Variants in COLEC12 observed in about 807,000 individuals in gnomAD.
COLEC12 encodes the protein collectin subfamily member 12.
COLEC12 carries 33 observed loss-of-function variants against 71.1 expected under a neutral mutation model. The ratio of observed to expected loss-of-function variants is 0.46; its 90% CI spans 0.35 to 0.62. The LOEUF (loss-of-function observed/expected upper bound fraction) is 0.62, where lower values mean the gene tolerates loss of function less well. COLEC12 is among the 20% of genes least tolerant of loss of function. COLEC12 has a pLI of 0.00. For missense variants in COLEC12, 765 were observed against 916.1 expected (o/e 0.84, Z 2.13); for synonymous variants, 350 against 353.0 (o/e 0.99, Z 0.10).
At chr18:372,655 C>T (rs983141837) in intron 2 of COLEC12, among the ~76,000 whole-genome samples, 26 of 152,110 alleles carry the variant, frequency 1.7e-4, no homozygotes, top group African/African-American at 5.3e-4. Context: ...TGAGCTCAAG[C>T]GATCCACCTG....
intron 8 of COLEC12, among the ~76,000 whole-genome samples, chr18:322,369 G>C (rs1428043626): frequency 1.3e-5 from 2 of 152,208 alleles, no homozygotes; most frequent in African/African-American, 2.4e-5. Context: ...TTGTCTGGGT[G>C]AGTTGTAGAA....
intron 5 of COLEC12, among the ~76,000 whole-genome samples, chr18:338,573 T>A (rs1357220030): frequency 1.3e-5 from 2 of 152,202 alleles, no homozygotes; most frequent in Non-Finnish European, 2.9e-5. Context: ...GACTTTTTTT[T>A]CTGCCTAACC....
At position 408,407 on chromosome 18, in the gene COLEC12, A is replaced by AAAT. The variant is rs1303862780; in HGVS notation, c.59-50888_59-50886dup. ...ATGTAATCCCATCTGTGTTTTCAAT[A>AAAT]AATAATACATCACATACTGCATCTC... is the stretch of plus-strand genomic sequence containing the variant. On this transcript the variant is annotated intron_variant, in intron 2 of 9. Transcript: ENST00000400256. This position sits in a 1 kb window ranked among gnomAD's most constrained non-coding sequence, Gnocchi z 4.3. Among the ~76,000 whole-genome samples the AAAT allele has an allele frequency of 2.0e-5, 3 of 152,212 alleles. No homozygotes were observed. The highest frequency in any genetic ancestry group is 4.4e-5 in the Non-Finnish European group (3 of 68,052).
At chr18:461,746 C>G (rs1451311395) in intron 2 of COLEC12, among the ~76,000 whole-genome samples, 1 of 152,000 alleles carries the variant, frequency 6.6e-6, no homozygotes, top group Non-Finnish European at 1.5e-5. Context: ...TTGAGACTTG[C>G]TGCATATCTC....
intron 2 of COLEC12, among the ~76,000 whole-genome samples, chr18:439,847 T>C (rs1023635292): frequency 2.0e-5 from 3 of 152,204 alleles, no homozygotes; most frequent in African/African-American, 7.2e-5. Context: ...TGGGTATATA[T>C]CCAAAGGAAA....
chr18:360,235 T>C (rs1325865039), intron 2 of COLEC12, among the ~76,000 whole-genome samples: 4 of 150,854 alleles, frequency 2.7e-5, no homozygotes, highest in African/African-American at 9.8e-5. Flanking sequence ...CAGGCTGGAG[T>C]GCAGTGGCAC....
intron 8 of COLEC12, among the ~76,000 whole-genome samples, chr18:330,956 T>C (rs887894278): frequency 2.0e-5 from 3 of 151,100 alleles, no homozygotes; most frequent in East Asian, 1.9e-4. Context: ...CTCGGCTTGC[T>C]ACAACCTCCG....
chr18:354,712 C>T (rs1227579813), intron 3 of COLEC12, among the ~76,000 whole-genome samples: 1 of 152,018 alleles, frequency 6.6e-6, no homozygotes, highest in Non-Finnish European at 1.5e-5. Flanking sequence ...CATTTTAGTT[C>T]ATTAATGGTG....
chr18:479,433 G>A (rs529785833), intron 2 of COLEC12, among the ~76,000 whole-genome samples: 42 of 152,212 alleles, frequency 2.8e-4, no homozygotes, highest in African/African-American at 9.1e-4. Flanking sequence ...CTAAAGCAAC[G>A]CGGGAGGCAG....
At chr18:424,917 G>T (rs562767099) in intron 2 of COLEC12, among the ~76,000 whole-genome samples, 1 of 152,220 alleles carries the variant, frequency 6.6e-6, no homozygotes, top group Non-Finnish European at 1.5e-5. Context: ...GCTGAGCAGG[G>T]TGTGCTGGGT....
At chr18:325,626 C>CTTT (rs1567872998) in intron 8 of COLEC12, among the ~76,000 whole-genome samples, 2 of 55,946 alleles carry the variant, frequency 3.6e-5, no homozygotes, top group Non-Finnish European at 7.1e-5. Flanking sequence ...AAAGGATCAG[C>CTTT]CTTTTTTTTT....
intron 8 of COLEC12, among the ~76,000 whole-genome samples, chr18:328,910 G>C (rs1008692437): frequency 5.9e-5 from 9 of 152,308 alleles, no homozygotes; most frequent in African/African-American, 2.2e-4. Flanking sequence ...TTTGGTTATT[G>C]AGACCTCATA....
chr18:376,689 T>C (rs1387961110), intron 2 of COLEC12, among the ~76,000 whole-genome samples: 2 of 152,200 alleles, frequency 1.3e-5, no homozygotes, highest in Non-Finnish European at 2.9e-5. Context: ...CAGAAAGAGC[T>C]TTGGAATGGC....
chr18:349,975 G>A (rs527343754), intron 3 of COLEC12, among the ~76,000 whole-genome samples: 3 of 152,142 alleles, frequency 2.0e-5, no homozygotes, highest in African/African-American at 7.2e-5. Context: ...GTCTCAGATG[G>A]GACTTTGGAC....
intron 5 of COLEC12, among the ~76,000 whole-genome samples, 157 bp from the exon 6 acceptor site, chr18:335,387 G>A (rs1378378769): frequency 6.6e-6 from 1 of 152,198 alleles, no homozygotes; most frequent in Non-Finnish European, 1.5e-5. Flanking sequence ...ACTGTAGACT[G>A]TTATGGGCTA....
chr18:446,459 T>C (rs1916652565), intron 2 of COLEC12, among the ~76,000 whole-genome samples: 1 of 150,860 alleles, frequency 6.6e-6, no homozygotes, highest in Non-Finnish European at 1.5e-5. Flanking sequence ...CCCAGCACTT[T>C]GGGAGGCCAA....
Position 480,473 on chromosome 18 carries a change from C to T in COLEC12, c.58+234G>A, listed in dbSNP as rs904204882. On this transcript the variant is annotated intron_variant, in intron 2 of 9. Transcript: ENST00000400256. This position sits in a 1 kb window ranked among gnomAD's most constrained non-coding sequence, Gnocchi z 4.1. ...CTTTTCCATTCAGCAGACCCATGAACATCCCATCACTTCCCCATGCCTGGG... is the reference window on the plus strand; with the variant it reads ...CTTTTCCATTCAGCAGACCCATGAATATCCCATCACTTCCCCATGCCTGGG... Among the ~76,000 whole-genome samples the T allele has an allele frequency of 6.6e-6, 1 of 152,168 alleles. No individual in the cohort carries two copies. Among genetic ancestry groups the T allele is most frequent in the African/African-American group, 2.4e-5 (1 of 41,434 alleles).
intron 2 of COLEC12, among the ~76,000 whole-genome samples, chr18:388,629 T>C (rs1190229956): frequency 6.6e-6 from 1 of 152,246 alleles, no homozygotes; most frequent in Non-Finnish European, 1.5e-5. Context: ...GGTCTTGCTC[T>C]GTTGCCCAAG....
At chr18:476,703 C>T (rs74871501) in intron 2 of COLEC12, among the ~76,000 whole-genome samples, 7,053 of 152,224 alleles carry the variant, frequency 0.046, 235 homozygotes, top group Admixed American at 0.12. Flanking sequence ...TCTAGAGCCA[C>T]GTGTGATGCT....
Sources: gnomAD v4.1 joint callset for allele counts (sites outside exome capture counted in the v4.1 genomes callset) on GRCh38, gnomAD v4.1.1 for gene constraint, Gnocchi (gnomAD v3.1) non-coding constraint, MANE v1.5 for transcripts, NCBI Gene and HGNC (gene_info 2026-07-23, HGNC 2026-07-21) for gene names.